Variants in TAF4B observed in about 807,000 individuals in gnomAD.
TAF4B encodes TATA-box binding protein associated factor 4b.
Under a neutral mutation model 86.4 loss-of-function variants are expected in TAF4B, and 38 were observed. The ratio of observed to expected loss-of-function variants is 0.44; its 90% CI spans 0.34 to 0.58. TAF4B has a LOEUF of 0.58. TAF4B is among the 20% of genes least tolerant of loss of function. The pLI, the probability that TAF4B is intolerant of heterozygous loss-of-function variation, is 0.02. For synonymous variants in TAF4B, 388 were observed against 391.2 expected (o/e 0.99, Z 0.10); for missense variants, 988 against 1,027.6 (o/e 0.96, Z 0.53).
intron 13 of TAF4B, among the ~76,000 whole-genome samples, chr18:26,335,925 G>A (rs1382968582): frequency 1.3e-5 from 2 of 152,158 alleles, no homozygotes; most frequent in African/African-American, 2.4e-5. Context: ...ACTAATTGGA[G>A]CTTATTTTAA....
intron 1 of TAF4B, among the ~76,000 whole-genome samples, chr18:26,229,955 T>TAA (rs77834289): frequency 6.0e-5 from 9 of 149,038 alleles, no homozygotes; most frequent in South Asian, 4.3e-4. Context: ...AGAACTGGTT[T>TAA]AAAAAAAAAA....
chr18:26,350,170 C>T (rs955426274), intron 13 of TAF4B, among the ~76,000 whole-genome samples: 12 of 151,886 alleles, frequency 7.9e-5, no homozygotes, highest in South Asian at 2.1e-4. Flanking sequence ...ATGAATAAGA[C>T]GTCAAAAGCG....
chr18:26,357,179 A>G (rs189467368), intron 13 of TAF4B, among the ~76,000 whole-genome samples: 291 of 152,316 alleles, frequency 1.9e-3, no homozygotes, highest in Non-Finnish European at 3.4e-3. Flanking sequence ...TACTGTCTCC[A>G]TTAATAAAAA....
At chr18:26,227,784 T>C (rs2055601189) in intron 1 of TAF4B, among the ~76,000 whole-genome samples, 1 of 152,250 alleles carries the variant, frequency 6.6e-6, no homozygotes, top group African/African-American at 2.4e-5. Flanking sequence ...CCCAAAGTGC[T>C]GGGATTACAG....
At chr18:26,282,339 G>A (rs1370166737) in intron 6 of TAF4B, among the ~76,000 whole-genome samples, 1 of 152,120 alleles carries the variant, frequency 6.6e-6, no homozygotes, top group Non-Finnish European at 1.5e-5. Context: ...CAGAGGTACT[G>A]CAGGTTTGGT....
At chr18:26,379,041 T>A (rs910828563) in intron 14 of TAF4B, among the ~76,000 whole-genome samples, 4 of 152,138 alleles carry the variant, frequency 2.6e-5, no homozygotes, top group Non-Finnish European at 5.9e-5. Flanking sequence ...ATGTTTTCAT[T>A]CCTCTTTGCT....
At chr18:26,315,195 C>CACACA in intron 9 of TAF4B, 34 bp from the exon 10 acceptor site, 1 of 1,093,716 alleles carries the variant, frequency 9.1e-7, no homozygotes, top group Non-Finnish European at 1.2e-6. Flanking sequence ...ACACACACAA[C>CACACA]CTAAAATGTA....
intron 1 of TAF4B, chr18:26,255,815 A>C (rs191228876): frequency 2.2e-4 from 323 of 1,454,886 alleles, no homozygotes; most frequent in Admixed American, 1.4e-3. Flanking sequence ...GAACTTCCCC[A>C]AAACGGCCTT....
chr18:26,255,446 C>G (rs1294894389), intron 1 of TAF4B, among the ~76,000 whole-genome samples: 2 of 151,670 alleles, frequency 1.3e-5, no homozygotes, highest in Admixed American at 1.3e-4. Flanking sequence ...TCTACTAAAA[C>G]TAAAAAATTA....
rs1438965250 is a variant in TAF4B at position 26,320,747 on chromosome 18, A to G, written c.2003-323A>G. Among the ~76,000 whole-genome samples, 5 of 152,198 alleles carry G rather than the reference A, an allele frequency of 3.3e-5. No homozygotes were observed. The East Asian group carries it at 5.8e-4, about 18-fold the overall frequency. Reference sequence around the variant, plus strand: ...ACTAAAATTAACAGAATATGGTACTAATTTCTGCAGTTACCATTTTCCTCC... The same window carrying G: ...ACTAAAATTAACAGAATATGGTACTGATTTCTGCAGTTACCATTTTCCTCC... On this transcript the variant is annotated intron_variant, in intron 10 of 14. Coordinates refer to ENST00000269142, the MANE Select transcript of TAF4B (RefSeq NM_005640.3).
At chr18:26,337,424 C>CTTTTTTTTTTTTTTTT (rs551888808) in intron 13 of TAF4B, among the ~76,000 whole-genome samples, 1 of 126,142 alleles carries the variant, frequency 7.9e-6, no homozygotes, top group Non-Finnish European at 1.6e-5. Context: ...TTCTTTCTTT[C>CTTTTTTTTTTTTTTTT]TTTTTTTTTT....
At chr18:26,296,539 GT>G (rs544059459) in intron 9 of TAF4B, among the ~76,000 whole-genome samples, 1 of 150,334 alleles carries the variant, frequency 6.7e-6, no homozygotes, top group African/African-American at 2.4e-5. Context: ...CATGGGATTT[GT>G]TTTTTTTTCC....
At chr18:26,289,812 T>C (rs186214519) in intron 7 of TAF4B, among the ~76,000 whole-genome samples, 39 of 152,340 alleles carry the variant, frequency 2.6e-4, no homozygotes, top group Middle Eastern at 6.8e-3. Context: ...ATTTTGTTTT[T>C]CTCAGCAGAT....
At chr18:26,318,146 C>A (rs1172377684) in intron 10 of TAF4B, among the ~76,000 whole-genome samples, 1 of 152,124 alleles carries the variant, frequency 6.6e-6, no homozygotes, top group Non-Finnish European at 1.5e-5. Context: ...GATCCTCCTG[C>A]CTCAACCTTT....
chr18:26,306,298 A>G (rs1182599343), intron 9 of TAF4B, among the ~76,000 whole-genome samples: 15 of 152,346 alleles, frequency 9.8e-5, no homozygotes, highest in Admixed American at 5.2e-4. Context: ...CTCAGTCTTC[A>G]TATGACATGG....
chr18:26,355,920 A>G (rs574577649), intron 13 of TAF4B, among the ~76,000 whole-genome samples: 5 of 152,322 alleles, frequency 3.3e-5, no homozygotes, highest in African/African-American at 1.2e-4. Context: ...TTTTCTAACA[A>G]TTTATTTGTA....
At chr18:26,368,035 A>G (rs1020470260) in intron 14 of TAF4B, among the ~76,000 whole-genome samples, 40 of 152,174 alleles carry the variant, frequency 2.6e-4, no homozygotes, top group African/African-American at 8.9e-4. Context: ...TCAAAGGTCA[A>G]AGTTCTGTTT....
intron 1 of TAF4B, among the ~76,000 whole-genome samples, chr18:26,232,590 A>G (rs1001297647): frequency 1.3e-5 from 2 of 152,222 alleles, no homozygotes; most frequent in Middle Eastern, 3.2e-3. Context: ...GGTTGGGATG[A>G]GTTTGAAAGC....
chr18:26,305,166 T>C (rs1239260925), intron 9 of TAF4B, among the ~76,000 whole-genome samples: 1 of 152,230 alleles, frequency 6.6e-6, no homozygotes, highest in Non-Finnish European at 1.5e-5. Flanking sequence ...TATCTTCTTC[T>C]AAGATACTTG....
Sources: gnomAD v4.1 joint callset for allele counts (sites outside exome capture counted in the v4.1 genomes callset) on GRCh38, gnomAD v4.1.1 for gene constraint, MANE v1.5 for transcripts, NCBI Gene and HGNC (gene_info 2026-07-23, HGNC 2026-07-21) for gene names.